FOXP4: variants seen among roughly 807,000 people sequenced by gnomAD.
FOXP4 encodes the protein forkhead box P4, also known as forkhead box protein P4.
Under a neutral mutation model 82.6 loss-of-function variants are expected in FOXP4, and 25 were observed. The ratio of observed to expected loss-of-function variants is 0.30; its 90% confidence interval spans 0.22 to 0.42. The LOEUF (loss-of-function observed/expected upper bound fraction) is 0.42, where lower values mean the gene tolerates loss of function less well. Ranked by LOEUF, FOXP4 falls within the 10% of genes least tolerant of loss-of-function variation. The pLI, the probability that FOXP4 is intolerant of heterozygous loss-of-function variation, is 1.00. For synonymous variants in FOXP4, 415 were observed against 388.2 expected (o/e 1.07, Z -0.81); for missense variants, 785 against 900.9 (o/e 0.87, Z 1.65).
At chr6:41,559,986 A>C (rs1423368126) in intron 1 of FOXP4, among the ~76,000 whole-genome samples, 1 of 151,880 alleles carries the variant, frequency 6.6e-6, no homozygotes, top group Non-Finnish European at 1.5e-5. Flanking sequence ...CTCATCTTCT[A>C]CTCCGTGCTA....
chr6:41,565,484 T>A (rs1328739827), intron 1 of FOXP4, among the ~76,000 whole-genome samples: 1 of 152,126 alleles, frequency 6.6e-6, no homozygotes, highest in East Asian at 1.9e-4. Context: ...AAGGGCTTTG[T>A]CTCCTCCCTT....
intron 2 of FOXP4, among the ~76,000 whole-genome samples, chr6:41,574,795 C>T (rs1490268854): frequency 6.6e-6 from 1 of 152,198 alleles, no homozygotes; most frequent in Non-Finnish European, 1.5e-5. Flanking sequence ...CCTCCTCGTT[C>T]ACCGTGTTAA....
In FOXP4 at chr6:41,549,116, G is replaced by C. The variant is rs75385010; in HGVS notation, c.-17+2249G>C. ...GAGCGCTGAATCTCTCCTGCGGGAC[G>C]GGACCCTCAGGACCCACTTTATCCT... On this transcript the variant is annotated intron_variant, in intron 1 of 16. Transcript: ENST00000307972. Among the ~76,000 whole-genome samples the C allele has an allele frequency of 5.7e-3, 874 of 152,148 alleles. 8 individuals carry two copies. The highest frequency in any genetic ancestry group is 0.02 in the African/African-American group (838 of 41,514).
chr6:41,599,232 G>T lies in FOXP4; in HGVS notation c.*296G>T. ...TGCCTCCCCCCAACCACCAGCAGCAGCAGGGCCCTCCTCCCCCACCAGCTC... is the reference window on the plus strand; with the variant it reads ...TGCCTCCCCCCAACCACCAGCAGCATCAGGGCCCTCCTCCCCCACCAGCTC... On this transcript the variant is annotated 3_prime_UTR_variant, in exon 17 of 17. Coordinates refer to ENST00000307972, the MANE Select transcript of FOXP4 (RefSeq NM_001012426.2). 3.9e-6 allele frequency: 1 copy of T among 257,482 alleles called. No homozygotes were observed. Among genetic ancestry groups the T allele is most frequent in the Non-Finnish European group, 7.4e-6 (1 of 134,638 alleles). The allele number at this position is 257,482 out of a possible 1,614,324, so 15.9% of individuals were successfully genotyped here.
rs935825817 is a variant in FOXP4 at position 41,593,994 on chromosome 6, G to A, written c.1537-876G>A. 6.6e-6 allele frequency among the ~76,000 whole-genome samples: 1 copy of A among 152,174 alleles called. No individual in the cohort carries two copies. The highest frequency in any genetic ancestry group is 1.5e-5 in the Non-Finnish European group (1 of 68,044). On this transcript the variant is annotated intron_variant, in intron 13 of 16. Transcript: ENST00000307972. This position sits in a 1 kb window ranked among gnomAD's most constrained non-coding sequence, Gnocchi z 4.1. ...GGTGATAACTGGGAGCTGGCCGTGG[G>A]GGCAGCACAGCTGAGAGAGGAGGGT...
At chr6:41,553,407 C>G (rs1404845210) in intron 1 of FOXP4, among the ~76,000 whole-genome samples, 1 of 152,162 alleles carries the variant, frequency 6.6e-6, no homozygotes, top group East Asian at 1.9e-4. Context: ...ACCAGGGCAG[C>G]CTTCTCCTCC....
rs1299761462 is a variant in FOXP4, at chr6:41,587,831, A to G, written c.911A>G (p.Tyr304Cys). Reference sequence around the variant, plus strand: ...GAGACCCCCGGCTCCCACCCCCTGTACGGACACGGAGAGTGCAAGTGGCCA... The same window carrying G: ...GAGACCCCCGGCTCCCACCCCCTGTGCGGACACGGAGAGTGCAAGTGGCCA... Reference protein sequence around the residue: ...HEETPGSHPLYGHGECKWPGC... With the variant: ...HEETPGSHPLCGHGECKWPGC... Residue 304 changes from tyrosine to cysteine, a missense_variant, in exon 8 of 17, where the codon TAC (tyrosine) becomes TGC (cysteine). This residue lies in a region of FOXP4 where 570 missense variants were observed against 634.0 expected (regional missense o/e 0.90). Transcript: ENST00000307972. 1 of 1,571,700 alleles carries G rather than the reference A, an allele frequency of 6.4e-7. No homozygotes were observed. Among genetic ancestry groups the G allele is most frequent in the Admixed American group, 1.8e-5 (1 of 55,018 alleles).
In FOXP4 at chr6:41,600,147, G is replaced by C. The variant is rs941098938; in HGVS notation, c.*1211G>C. ...CTCCATCCACCCTGAGGACCCTGGG[G>C]CTCAGTGGAGGCAGGGCCCTGCCCC... On this transcript the variant is annotated 3_prime_UTR_variant, in exon 17 of 17. Coordinates refer to ENST00000307972, the MANE Select transcript of FOXP4 (RefSeq NM_001012426.2). 6.6e-6 allele frequency: 1 copy of C among 152,510 alleles called. No individual in the cohort carries two copies. Among genetic ancestry groups the C allele is most frequent in the Non-Finnish European group, 1.5e-5 (1 of 68,092 alleles). 9.4% of individuals were successfully genotyped at this position (152,510 alleles called of 1,614,324 possible). A position where few individuals can be genotyped will look rare whatever the true frequency, so the allele number is the denominator to read the frequency against.
Position 41,597,818 on chromosome 6 carries a change from G to T in FOXP4, c.1763G>T (p.Ser588Ile). The change falls in exon 16 of 17, where the codon AGC (serine) becomes ATC (isoleucine). Residue 588 changes from serine (S) to isoleucine (I), a missense_variant. Around this residue, in one of 3 missense-constraint regions of FOXP4, gnomAD observed 184 missense variants for 187.3 expected, o/e 0.98. Transcript: ENST00000307972. ...LAESSFPLLN[S>I]PGMLNPGSAS... Reference sequence around the variant, plus strand: ...GAGAGCAGCTTCCCCCTCCTCAACAGCCCTGGCATGCTGAACCCTGGCTCC... The same window carrying T: ...GAGAGCAGCTTCCCCCTCCTCAACATCCCTGGCATGCTGAACCCTGGCTCC... 6.2e-7 allele frequency: 1 copy of T among 1,607,160 alleles called. No homozygotes were observed. The highest frequency in any genetic ancestry group is 1.7e-4 in the Middle Eastern group (1 of 5,920).
intron 2 of FOXP4, chr6:41,570,093 C>CACACACACACAT (rs1765109265): frequency 3.4e-6 from 1 of 291,140 alleles, no homozygotes; most frequent in Admixed American, 4.2e-5. Flanking sequence ...CACACACACA[C>CACACACACACAT]ACACACACAC....
intron 1 of FOXP4, among the ~76,000 whole-genome samples, chr6:41,554,080 C>T (rs369549250): frequency 2.0e-5 from 3 of 152,188 alleles, no homozygotes; most frequent in Admixed American, 6.5e-5. Flanking sequence ...TTTCACATAC[C>T]TCCTTGTTCT....
intron 1 of FOXP4, among the ~76,000 whole-genome samples, chr6:41,549,016 A>C (rs1763842614): frequency 6.6e-6 from 1 of 152,060 alleles, no homozygotes; most frequent in Non-Finnish European, 1.5e-5. Context: ...CACTCTAGTC[A>C]GTGGGGCAAG....
intron 1 of FOXP4, among the ~76,000 whole-genome samples, chr6:41,560,147 A>G (rs1330101356): frequency 6.6e-6 from 1 of 152,162 alleles, no homozygotes; most frequent in Non-Finnish European, 1.5e-5. Context: ...AAGTCACTCT[A>G]GTAGGCCAGG....
At chr6:41,596,446 C>T (rs1474591869) in intron 14 of FOXP4, among the ~76,000 whole-genome samples, 1 of 152,234 alleles carries the variant, frequency 6.6e-6, no homozygotes, top group African/African-American at 2.4e-5. Context: ...CTTTGCACCC[C>T]AGGCAGTGTG....
chr6:41,565,438 A>G (rs539477324), intron 1 of FOXP4, among the ~76,000 whole-genome samples: 170 of 152,278 alleles, frequency 1.1e-3, no homozygotes, highest in African/African-American at 3.8e-3. Context: ...CAAAACCTCA[A>G]CTGGGGCAAA....
At chr6:41,563,562 C>G (rs1764709633) in intron 1 of FOXP4, among the ~76,000 whole-genome samples, 1 of 152,172 alleles carries the variant, frequency 6.6e-6, no homozygotes, top group South Asian at 2.1e-4. Flanking sequence ...ACGGGCCTTG[C>G]TAAATGCTCA....
chr6:41,561,079 G>A (rs1443859766), intron 1 of FOXP4, among the ~76,000 whole-genome samples: 2 of 152,214 alleles, frequency 1.3e-5, no homozygotes, highest in Non-Finnish European at 2.9e-5. Flanking sequence ...AGGAGCCTCC[G>A]GGGAAGTGGG....
intron 1 of FOXP4, among the ~76,000 whole-genome samples, chr6:41,562,122 A>G (rs1410749022): frequency 6.6e-6 from 1 of 152,234 alleles, no homozygotes; most frequent in Admixed American, 6.5e-5. Flanking sequence ...GGCAGGAGAC[A>G]TGAGGCTGCT....
intron 5 of FOXP4, among the ~76,000 whole-genome samples, 189 bp downstream of exon 5, chr6:41,585,706 C>A (rs537571749): frequency 1.4e-4 from 22 of 152,066 alleles, no homozygotes; most frequent in Non-Finnish European, 2.6e-4. Context: ...CTCCCCTCAT[C>A]CCCATTCATT....
Sources: allele counts gnomAD v4.1 joint callset (sites outside exome capture counted in the v4.1 genomes callset), GRCh38; gene constraint gnomAD v4.1.1; regional missense constraint gnomAD v4.1.1; non-coding constraint Gnocchi (gnomAD v3.1); transcripts MANE v1.5; gene names NCBI Gene and HGNC (gene_info 2026-07-23, HGNC 2026-07-21).